PCDHA10: variants seen among roughly 807,000 people sequenced by gnomAD.
PCDHA10 encodes protocadherin alpha-10.
Under a neutral mutation model 61.2 loss-of-function variants are expected in PCDHA10, and 45 were observed. The observed-to-expected ratio is 0.74, with a 90% CI of 0.58 to 0.94. PCDHA10 has a LOEUF of 0.94. Among genes scored for constraint, PCDHA10 ranks in the 40% least tolerant of loss-of-function variants. PCDHA10 has a pLI of 0.00. For synonymous variants in PCDHA10, 602 were observed against 548.8 expected (o/e 1.10, Z -1.35); for missense variants, 1,278 against 1,236.2 (o/e 1.03, Z -0.51).
At chr5:140,884,400 T>C (rs2060147472) in intron 1 of PCDHA10, 1 of 1,613,972 alleles carries the variant, frequency 6.2e-7, no homozygotes, top group Non-Finnish European at 8.5e-7. Context: ...TCCAGCCTGT[T>C]GGTGCTCACG....
intron 1 of PCDHA10, chr5:140,884,365 CT>C (rs1264541175): frequency 6.2e-7 from 1 of 1,613,846 alleles, no homozygotes; most frequent in Non-Finnish European, 8.5e-7. Context: ...TCAATGTTTA[CT>C]TGATCATTGC....
intron 1 of PCDHA10, among the ~76,000 whole-genome samples, chr5:140,946,468 C>T (rs1249840749): frequency 1.3e-5 from 2 of 151,720 alleles, no homozygotes; most frequent in Non-Finnish European, 2.9e-5. Flanking sequence ...AATCCCACTA[C>T]TGGGTATATA....
At chr5:140,876,884 G>A (rs782742455) in intron 1 of PCDHA10, 11 of 1,614,028 alleles carry the variant, frequency 6.8e-6, no homozygotes, top group East Asian at 2.2e-5. Flanking sequence ...AACCCGCCGG[G>A]CTGCCACATC....
At chr5:140,948,957 C>G (rs1338643900) in intron 1 of PCDHA10, among the ~76,000 whole-genome samples, 2 of 151,542 alleles carry the variant, frequency 1.3e-5, no homozygotes, top group Admixed American at 1.3e-4. Context: ...AAATTAAAGC[C>G]ACGAATTTAT....
At chr5:140,890,693 G>C (rs980920550) in intron 1 of PCDHA10, among the ~76,000 whole-genome samples, 7 of 151,828 alleles carry the variant, frequency 4.6e-5, no homozygotes, top group Non-Finnish European at 8.8e-5. Flanking sequence ...GGAAATGCAG[G>C]GACCTTACAT....
chr5:140,934,152 T>C (rs2089672287), intron 1 of PCDHA10, among the ~76,000 whole-genome samples: 1 of 152,190 alleles, frequency 6.6e-6, no homozygotes. Context: ...TATATGTTTA[T>C]ATTTCAGTGT....
intron 1 of PCDHA10, among the ~76,000 whole-genome samples, chr5:140,913,928 G>A (rs2076511708): frequency 1.3e-5 from 2 of 151,918 alleles, no homozygotes; most frequent in Non-Finnish European, 2.9e-5. Flanking sequence ...CTTCATTGTG[G>A]TCAGAGAAGA....
At chr5:140,966,314 G>C (rs1255868901) in intron 1 of PCDHA10, 2 of 388,054 alleles carry the variant, frequency 5.2e-6, no homozygotes, top group Middle Eastern at 6.5e-4. Flanking sequence ...GTGTTCCTGC[G>C]GTCCGCTGGG....
At chr5:140,967,298 G>A in intron 1 of PCDHA10, 1 of 1,612,692 alleles carries the variant, frequency 6.2e-7, no homozygotes, top group Non-Finnish European at 8.5e-7. Flanking sequence ...CCCCGACGTG[G>A]GCGCCAACTC....
intron 1 of PCDHA10, among the ~76,000 whole-genome samples, chr5:140,903,665 G>A (rs2070490056): frequency 6.6e-6 from 1 of 152,156 alleles, no homozygotes; most frequent in African/African-American, 2.4e-5. Context: ...AAATTTAACT[G>A]ATATAAAAGA....
intron 1 of PCDHA10, chr5:140,858,744 A>G: frequency 2.2e-6 from 1 of 461,862 alleles, no homozygotes; most frequent in South Asian, 3.0e-5. Flanking sequence ...TTTCATAATC[A>G]CTTTTCGTTA....
chr5:140,873,461 T>A (rs2054305243), intron 1 of PCDHA10, among the ~76,000 whole-genome samples: 1 of 152,224 alleles, frequency 6.6e-6, no homozygotes, highest in Admixed American at 6.5e-5. Context: ...GCATTTTAGA[T>A]AATTCAAATT....
At chr5:141,005,960 TA>T (rs1322848010) in intron 3 of PCDHA10, among the ~76,000 whole-genome samples, 2 of 151,500 alleles carry the variant, frequency 1.3e-5, no homozygotes, top group Non-Finnish European at 2.9e-5. Context: ...CAAACAACAA[TA>T]AAAAAACAAT....
chr5:140,885,367 G>T (rs1476588272), intron 1 of PCDHA10, among the ~76,000 whole-genome samples: 2 of 152,244 alleles, frequency 1.3e-5, no homozygotes, highest in African/African-American at 4.8e-5. Flanking sequence ...GTGACTGAAA[G>T]TACCTTTTGG....
chr5:140,927,193 C>A, intron 1 of PCDHA10: 1 of 1,614,186 alleles, frequency 6.2e-7, no homozygotes, highest in Non-Finnish European at 8.5e-7. Context: ...CGACCTGGTG[C>A]TCGAGGACCC....
chr5:140,871,702 T>C, intron 1 of PCDHA10: 1 of 877,954 alleles, frequency 1.1e-6, no homozygotes, highest in Non-Finnish European at 1.7e-6. Flanking sequence ...CTTTAACCAA[T>C]AAATGTCCTA....
At position 140,856,030 on chromosome 5, in the gene PCDHA10, A is replaced by G; in HGVS notation, c.-19A>G. On this transcript the variant is annotated 5_prime_UTR_variant, in exon 1 of 4. Coordinates refer to ENST00000307360, the MANE Select transcript of PCDHA10 (RefSeq NM_018901.4). ...CTAGACCGCTGATTCGTCGATTTGT[A>G]AAACAAGAGAAGGATAAGATGGTTT... 2 of 1,561,578 alleles carry G rather than the reference A, an allele frequency of 1.3e-6. No homozygotes were observed. Among genetic ancestry groups the G allele is most frequent in the East Asian group, 4.5e-5 (2 of 44,436 alleles).
Position 140,856,573 on chromosome 5 carries a change from G to A in PCDHA10, c.525G>A (p.Glu175=), listed in dbSNP as rs1168113677. 4.4e-6 allele frequency: 7 copies of A among 1,597,600 alleles called. No individual in the cohort carries two copies. The African/African-American group carries it at 5.4e-5, about 12-fold the overall frequency. ...TTACTTACAAACTCAGTCCAAATGA[G>A]TATTTTGTTCTTGATATTATAAACA... ...ALLTYKLSPN[E]YFVLDIINKK... Residue 175 remains glutamate, a synonymous_variant, in exon 1 of 4, where the codon GAG becomes GAA. Transcript: ENST00000307360.
chr5:140,928,572 C>T, intron 1 of PCDHA10: 1 of 1,614,200 alleles, frequency 6.2e-7, no homozygotes, highest in Non-Finnish European at 8.5e-7. Flanking sequence ...TTCCCTTGCC[C>T]AGAAATGGTT....
Sources: allele counts gnomAD v4.1 joint callset (sites outside exome capture counted in the v4.1 genomes callset), GRCh38; gene constraint gnomAD v4.1.1; transcripts MANE v1.5; gene names NCBI Gene and HGNC (gene_info 2026-07-23, HGNC 2026-07-21).